The following PAPPA variants were observed in gnomAD, a reference collection of about 807,000 sequenced individuals.
PAPPA encodes the protein pappalysin 1, also known as pappalysin-1.
Under a neutral mutation model 164.0 loss-of-function variants are expected in PAPPA, and 60 were observed. The observed-to-expected ratio is 0.37, with a 90% CI of 0.30 to 0.45. The LOEUF is 0.45. Ranked by LOEUF, PAPPA falls within the 20% of genes least tolerant of loss-of-function variation. The pLI, the probability that PAPPA is intolerant of heterozygous loss-of-function variation, is 1.00. For missense variants in PAPPA, 1,782 were observed against 2,087.3 expected (o/e 0.85, Z 2.85); for synonymous variants, 875 against 814.1 (o/e 1.07, Z -1.27).
chr9:116,339,124 TCCATAGA>T (rs1846101654), intron 13 of PAPPA, among the ~76,000 whole-genome samples: 2 of 152,228 alleles, frequency 1.3e-5, no homozygotes, highest in Non-Finnish European at 2.9e-5. Flanking sequence ...AGGCTGGTGT[TCCATAGA>T]CCATATTAGT....
At chr9:116,162,633 T>TTAC (rs2118977307) in intron 1 of PAPPA, among the ~76,000 whole-genome samples, 1 of 152,316 alleles carries the variant, frequency 6.6e-6, no homozygotes, top group African/African-American at 2.4e-5. Flanking sequence ...ATACTAGCTG[T>TTAC]TACTTCATAG....
intron 9 of PAPPA, among the ~76,000 whole-genome samples, chr9:116,290,743 T>G (rs1195842776): frequency 6.6e-6 from 1 of 152,090 alleles, no homozygotes; most frequent in African/African-American, 2.4e-5. Flanking sequence ...CTAAAACTGC[T>G]GAAACTCCCT....
intron 13 of PAPPA, among the ~76,000 whole-genome samples, chr9:116,343,943 T>G (rs889142475): frequency 7.2e-5 from 11 of 151,840 alleles, no homozygotes; most frequent in African/African-American, 2.7e-4. Flanking sequence ...TGTATTTTCT[T>G]TTTTAGCAGA....
chr9:116,291,565 A>G (rs1366367386), intron 9 of PAPPA, among the ~76,000 whole-genome samples: 3 of 152,208 alleles, frequency 2.0e-5, no homozygotes, highest in Non-Finnish European at 2.9e-5. Context: ...TTTACTGAGT[A>G]TCTGCTATGA....
intron 4 of PAPPA, among the ~76,000 whole-genome samples, chr9:116,218,284 C>A (rs1374420033): frequency 1.3e-5 from 2 of 152,158 alleles, no homozygotes; most frequent in Admixed American, 6.5e-5. Flanking sequence ...AAGCTGGATT[C>A]TCAAAGCCAT....
intron 4 of PAPPA, among the ~76,000 whole-genome samples, chr9:116,213,042 G>A (rs931439820): frequency 2.6e-5 from 4 of 152,158 alleles, no homozygotes; most frequent in Admixed American, 1.3e-4. Flanking sequence ...AAGAGAGCTA[G>A]CTGATGGTTG....
chr9:116,315,742 G>A (rs1294042302), intron 10 of PAPPA, among the ~76,000 whole-genome samples: 1 of 152,142 alleles, frequency 6.6e-6, no homozygotes, highest in Admixed American at 6.6e-5. Context: ...AGAAAGATGG[G>A]AGGAAGAAGA....
At chr9:116,235,064 G>T in intron 6 of PAPPA, 75 bp from the exon 7 acceptor site, 1 of 1,542,192 alleles carries the variant, frequency 6.5e-7, no homozygotes, top group Non-Finnish European at 8.9e-7. Context: ...ATTTCTCCTG[G>T]GGTCCACAGG....
rs988107774 is a variant in PAPPA at position 116,269,082 on chromosome 9, C to T, written c.2862-2243C>T. 4.6e-5 allele frequency among the ~76,000 whole-genome samples: 7 copies of T among 152,038 alleles called. No homozygotes were observed. In the East Asian group the frequency reaches 5.8e-4, roughly 13 times the overall value. On this transcript the variant is annotated intron_variant, in intron 8 of 21. Transcript: ENST00000328252. ...GGTAAAGGTGAAGGCAATGGATGAA[C>T]GTTTTGATAATGACAATAATATTTA...
At chr9:116,159,506 A>G (rs1256429924) in intron 1 of PAPPA, among the ~76,000 whole-genome samples, 1 of 152,142 alleles carries the variant, frequency 6.6e-6, no homozygotes, top group East Asian at 1.9e-4. Context: ...TTGACATGCT[A>G]GGATTACCCC....
chr9:116,348,726 T>C (rs1455457493), intron 15 of PAPPA, among the ~76,000 whole-genome samples: 4 of 152,144 alleles, frequency 2.6e-5, no homozygotes, highest in Non-Finnish European at 4.4e-5. Flanking sequence ...ATTATTTAGC[T>C]CTCATTTATA....
chr9:116,213,291 C>T (rs1404209907), intron 4 of PAPPA, among the ~76,000 whole-genome samples: 2 of 152,186 alleles, frequency 1.3e-5, no homozygotes, highest in African/African-American at 4.8e-5. Context: ...GTGGTTCTTT[C>T]TGCTTGTCCA....
chr9:116,325,880 T>C (rs916938676), intron 10 of PAPPA, among the ~76,000 whole-genome samples: 1 of 152,198 alleles, frequency 6.6e-6, no homozygotes, highest in Non-Finnish European at 1.5e-5. Context: ...TTCATAAACG[T>C]GTTGCTCCTT....
chr9:116,361,955 T>C (rs1338113689), intron 17 of PAPPA, among the ~76,000 whole-genome samples: 1 of 152,100 alleles, frequency 6.6e-6, no homozygotes, highest in Non-Finnish European at 1.5e-5. Flanking sequence ...TTTTAAAGAA[T>C]TGGGAGGAAA....
At chr9:116,338,820 G>A (rs999658255) in intron 13 of PAPPA, among the ~76,000 whole-genome samples, 13 of 152,158 alleles carry the variant, frequency 8.5e-5, no homozygotes, top group African/African-American at 2.4e-4. Context: ...CAGTTGCTCC[G>A]TATCCTTGGC....
At chr9:116,302,410 C>T (rs1845590388) in intron 9 of PAPPA, among the ~76,000 whole-genome samples, 1 of 151,998 alleles carries the variant, frequency 6.6e-6, no homozygotes, top group African/African-American at 2.4e-5. Context: ...TCCTGGAAAC[C>T]ACCATTTTAC....
intron 9 of PAPPA, chr9:116,287,107 T>C (rs1845349134): frequency 6.6e-6 from 1 of 152,222 alleles, no homozygotes; most frequent in Non-Finnish European, 1.5e-5. Flanking sequence ...TGGGAATGAC[T>C]TACCCTCTTG....
At chr9:116,346,230 A>G (rs1401933710) in intron 14 of PAPPA, among the ~76,000 whole-genome samples, 1 of 152,130 alleles carries the variant, frequency 6.6e-6, no homozygotes, top group Non-Finnish European at 1.5e-5. Context: ...GGCTGCAATG[A>G]TTGTCCATCC....
At chr9:116,234,418 G>T (rs1356997107) in intron 6 of PAPPA, among the ~76,000 whole-genome samples, 1 of 152,092 alleles carries the variant, frequency 6.6e-6, no homozygotes, top group African/African-American at 2.4e-5. Flanking sequence ...GAGATAAGAG[G>T]GCTCCAAGGC....
Sources: allele counts gnomAD v4.1 joint callset (sites outside exome capture counted in the v4.1 genomes callset), GRCh38; gene constraint gnomAD v4.1.1; transcripts MANE v1.5; gene names NCBI Gene and HGNC (gene_info 2026-07-23, HGNC 2026-07-21).